The following PLVAP variants were observed in gnomAD, a reference collection of about 807,000 sequenced individuals.
The protein encoded by PLVAP is plasmalemma vesicle associated protein.
In PLVAP, 34 loss-of-function variants were observed where a neutral mutation model predicts 43.1. The ratio of observed to expected loss-of-function variants is 0.79; its 90% confidence interval spans 0.60 to 1.05. PLVAP has a LOEUF of 1.05. Ranked by LOEUF, PLVAP falls within the 50% of genes least tolerant of loss-of-function variation. The pLI, the probability that PLVAP is intolerant of heterozygous loss-of-function variation, is 0.00. For missense variants in PLVAP, 574 were observed against 593.4 expected (o/e 0.97, Z 0.34); for synonymous variants, 241 against 237.3 (o/e 1.02, Z -0.14).
At chr19:17,357,184 A>C (rs1262653849) in intron 5 of PLVAP, among the ~76,000 whole-genome samples, 1 of 150,688 alleles carries the variant, frequency 6.6e-6, no homozygotes, top group African/African-American at 2.4e-5. Flanking sequence ...AATCCCAGCT[A>C]CTCAGGAGGC....
At chr19:17,361,812 G>A (rs771730886) in intron 3 of PLVAP, among the ~76,000 whole-genome samples, 6 of 152,022 alleles carry the variant, frequency 3.9e-5, no homozygotes, top group East Asian at 1.9e-4. Flanking sequence ...GCTCACGCCC[G>A]TAATCCCAAC....
At chr19:17,368,903 G>A (rs1218095904) in intron 1 of PLVAP, among the ~76,000 whole-genome samples, 1 of 152,138 alleles carries the variant, frequency 6.6e-6, no homozygotes, top group Non-Finnish European at 1.5e-5. Flanking sequence ...CTTGAACTCG[G>A]GGAGGCGGAG....
intron 3 of PLVAP, among the ~76,000 whole-genome samples, chr19:17,364,763 TC>T (rs2074541546): frequency 1.5e-5 from 2 of 135,556 alleles, no homozygotes; most frequent in Admixed American, 7.2e-5. Flanking sequence ...CTAATTCCAG[TC>T]TTTTTTTTTT....
Position 17,377,022 on chromosome 19 carries a change from G to A in PLVAP, c.267C>T (p.Asn89=). The A allele has an allele frequency of 6.2e-7, 1 of 1,614,122 alleles. No homozygotes were observed. The highest frequency in any genetic ancestry group is 8.5e-7 in the Non-Finnish European group (1 of 1,180,026). ...TGGCATCCTTGGCGCGGGTGGTGAAGTTGAGCTCCTTGGTCAAGTTGGACT... is the reference window on the plus strand; with the variant it reads ...TGGCATCCTTGGCGCGGGTGGTGAAATTGAGCTCCTTGGTCAAGTTGGACT... ...ASQSNLTKEL[N]FTTRAKDAIM... Residue 89 remains asparagine, a synonymous_variant, in exon 1 of 6, where the codon AAC becomes AAT. Transcript: ENST00000252590.
At position 17,353,491 on chromosome 19, in the gene PLVAP, C is replaced by T. The variant is rs577306373; in HGVS notation, c.1323-1123G>A. On this transcript the variant is annotated intron_variant, in intron 5 of 5. Transcript: ENST00000252590. ...TCCCATCACTTCCCTGCCCTCACCT[C>T]CTCCTCCCGTTCCCCTCCATCACTC... is the stretch of plus-strand genomic sequence containing the variant. Among the ~76,000 whole-genome samples the T allele has an allele frequency of 7.9e-4, 121 of 152,294 alleles. 1 individual carries two copies. Among genetic ancestry groups the T allele is most frequent in the Admixed American group, 1.5e-3 (23 of 15,288 alleles).
intron 1 of PLVAP, among the ~76,000 whole-genome samples, chr19:17,372,081 TA>T (rs368346030): frequency 0.061 from 5,905 of 96,944 alleles, 211 homozygotes; most frequent in African/African-American, 0.15. Context: ...ACCATGTCTC[TA>T]AAAAAAAAAA....
At chr19:17,374,857 T>C (rs2074588717) in intron 1 of PLVAP, among the ~76,000 whole-genome samples, 1 of 151,638 alleles carries the variant, frequency 6.6e-6, no homozygotes, top group African/African-American at 2.4e-5. Context: ...CTCCCTCTGT[T>C]GCCCAGGCTG....
At chr19:17,371,886 G>C (rs1322066672) in intron 1 of PLVAP, among the ~76,000 whole-genome samples, 19 of 152,118 alleles carry the variant, frequency 1.2e-4, no homozygotes, top group Admixed American at 1.2e-3. Context: ...AAGACATGAA[G>C]AATCAGGAGA....
At position 17,365,848 on chromosome 19, in the gene PLVAP, A is replaced by T. The variant is rs1450884604; in HGVS notation, c.617T>A (p.Leu206Gln). The change falls in exon 3 of 6, where the codon CTG (leucine) becomes CAG (glutamine). Residue 206 changes from leucine to glutamine, a missense_variant. Coordinates refer to ENST00000252590, the MANE Select transcript of PLVAP (RefSeq NM_031310.3). ...QLVECVKTRE[L>Q]QHQERQLAKE... ...GGCCAGCTGGCGCTCTTGGTGCTGCAGCTCCCGGGTTTTCACGCATTCAAC... is the reference window on the plus strand; with the variant it reads ...GGCCAGCTGGCGCTCTTGGTGCTGCTGCTCCCGGGTTTTCACGCATTCAAC... 2 of 1,613,960 alleles carry T rather than the reference A, an allele frequency of 1.2e-6. No individual in the cohort carries two copies. Among genetic ancestry groups the T allele is most frequent in the Non-Finnish European group, 1.7e-6 (2 of 1,180,034 alleles).
At chr19:17,357,773 A>G (rs1325640770) in intron 5 of PLVAP, among the ~76,000 whole-genome samples, 2 of 152,248 alleles carry the variant, frequency 1.3e-5, no homozygotes, top group Non-Finnish European at 2.9e-5. Flanking sequence ...TCTCAGGGGA[A>G]GGCGAGTCAA....
rs776551241 is a variant in PLVAP, at chr19:17,377,181, T to C, written c.108A>G (p.Gln36=). The change falls in exon 1 of 6, where the codon CAA becomes CAG. Residue 36 remains glutamine (Q), a synonymous_variant. Coordinates refer to ENST00000252590, the MANE Select transcript of PLVAP (RefSeq NM_031310.3). ...RYFFLFVSLI[Q]FLIILGLVLF... ...GCACGAGCCCCAGGATGATGAGGAA[T>C]TGGATGAGGGAGACGAAGAGGAAGA... The C allele has an allele frequency of 2.0e-5, 33 of 1,613,764 alleles. No homozygotes were observed. Among genetic ancestry groups the C allele is most frequent in the Non-Finnish European group, 2.6e-5 (31 of 1,179,938 alleles).
At chr19:17,354,404 C>G (rs1462209428) in intron 5 of PLVAP, among the ~76,000 whole-genome samples, 2 of 151,792 alleles carry the variant, frequency 1.3e-5, no homozygotes, top group African/African-American at 2.4e-5. Context: ...TAAGACCAGC[C>G]TGGCCAACAT....
chr19:17,370,766 C>A (rs1278660869), intron 1 of PLVAP, among the ~76,000 whole-genome samples: 1 of 152,062 alleles, frequency 6.6e-6, no homozygotes, highest in African/African-American at 2.4e-5. Flanking sequence ...ACAAAAAAAT[C>A]ATCAAATTGG....
chr19:17,360,865 A>C (rs781134471), intron 3 of PLVAP, 33 bp from the exon 4 acceptor site: 1 of 1,572,552 alleles, frequency 6.4e-7, no homozygotes, highest in Non-Finnish European at 8.7e-7. Flanking sequence ...GGTTGGTAGG[A>C]GCCAGGGCTT....
At chr19:17,371,697 G>A (rs1599578714) in intron 1 of PLVAP, among the ~76,000 whole-genome samples, 1 of 151,948 alleles carries the variant, frequency 6.6e-6, no homozygotes, top group South Asian at 2.1e-4. Flanking sequence ...TGCCCAGGCT[G>A]GTCTTAAACT....
intron 1 of PLVAP, 127 bp downstream of exon 1, chr19:17,376,789 CTCTG>C: frequency 1.0e-6 from 1 of 970,010 alleles, no homozygotes; most frequent in South Asian, 1.7e-5. Context: ...CGGAGCGAGA[CTCTG>C]TCTCATAAGA....
intron 2 of PLVAP, 37 bp downstream of exon 2, chr19:17,366,062 G>A (rs2074548732): frequency 6.2e-7 from 1 of 1,612,852 alleles, no homozygotes; most frequent in Admixed American, 1.7e-5. Flanking sequence ...TGGGCAGGGA[G>A]TCCACCACCC....
chr19:17,360,471 T>A, intron 5 of PLVAP, 57 bp downstream of exon 5: 1 of 1,547,976 alleles, frequency 6.5e-7, no homozygotes, highest in Non-Finnish European at 8.9e-7. Flanking sequence ...TCAGTCCTGG[T>A]CCTAGCTTTG....
At chr19:17,361,744 C>T (rs764497905) in intron 3 of PLVAP, among the ~76,000 whole-genome samples, 2 of 152,098 alleles carry the variant, frequency 1.3e-5, no homozygotes, top group South Asian at 4.1e-4. Context: ...CACTCTGACT[C>T]CAACCATTCT....
Sources: gnomAD v4.1 joint callset for allele counts (sites outside exome capture counted in the v4.1 genomes callset) on GRCh38, gnomAD v4.1.1 for gene constraint, MANE v1.5 for transcripts, NCBI Gene and HGNC (gene_info 2026-07-23, HGNC 2026-07-21) for gene names.